RAB3C: variants seen among roughly 807,000 people sequenced by gnomAD.
The protein encoded by RAB3C is RAB3C, member RAS oncogene family.
RAB3C carries 17 observed loss-of-function variants against 26.4 expected under a neutral mutation model. The observed-to-expected ratio is 0.64, with a 90% confidence interval of 0.44 to 0.97. RAB3C has a LOEUF of 0.97. RAB3C is among the 50% of genes least tolerant of loss of function. The pLI is 0.00. For synonymous variants in RAB3C, 91 were observed against 95.9 expected, an observed-to-expected ratio of 0.95 and a Z score of 0.30; for missense variants, 242 against 281.9, an observed-to-expected ratio of 0.86 and a Z score of 1.01.
At chr5:58,668,221 T>A (rs898754393) in intron 2 of RAB3C, among the ~76,000 whole-genome samples, 1 of 152,190 alleles carries the variant, frequency 6.6e-6, no homozygotes, top group African/African-American at 2.4e-5. Flanking sequence ...CTTCCTTTCC[T>A]CTTCAGAGAA....
chr5:58,827,601 T>C (rs1423222611), intron 4 of RAB3C, among the ~76,000 whole-genome samples: 3 of 152,228 alleles, frequency 2.0e-5, no homozygotes, highest in South Asian at 2.1e-4. Flanking sequence ...AGTAGACAGA[T>C]GTAGCAAAGT....
chr5:58,613,112 T>A (rs1746748765), intron 1 of RAB3C, among the ~76,000 whole-genome samples: 1 of 152,146 alleles, frequency 6.6e-6, no homozygotes. Flanking sequence ...AGGCTGTGGT[T>A]ACATGTTTTA....
At chr5:58,792,800 ACCTTGTGTATATAT>A (rs1742559327) in intron 3 of RAB3C, among the ~76,000 whole-genome samples, 2 of 151,890 alleles carry the variant, frequency 1.3e-5, no homozygotes, top group Non-Finnish European at 2.9e-5. Flanking sequence ...TATATATAAA[ACCTTGTGTATATAT>A]ACACACACAC....
At position 58,858,994 on chromosome 5, in the gene RAB3C, A is replaced by G. The variant is rs1035557477; in HGVS notation, c.*7643A>G. ...TTTTCTGTAGCTCCATGTTTCCCAT[A>G]AAGGGCATTGGAAATGCACAGATGA... On this transcript the variant is annotated 3_prime_UTR_variant, in exon 5 of 5. Transcript: ENST00000282878. 6.6e-6 allele frequency: 1 copy of G among 152,222 alleles called. No homozygotes were observed. Among genetic ancestry groups the G allele is most frequent in the Non-Finnish European group, 1.5e-5 (1 of 68,042 alleles). The allele number at this position is 152,222 out of a possible 1,614,324, so 9.4% of individuals were successfully genotyped here.
intron 3 of RAB3C, chr5:58,823,268 C>A: frequency 4.5e-6 from 1 of 224,056 alleles, no homozygotes; most frequent in Non-Finnish European, 9.0e-6. Context: ...GCTCACAGTC[C>A]CAGCACTTTG....
At chr5:58,837,526 G>C (rs1046714108) in intron 4 of RAB3C, among the ~76,000 whole-genome samples, 3 of 144,918 alleles carry the variant, frequency 2.1e-5, no homozygotes, top group Non-Finnish European at 4.5e-5. Context: ...TGGTCTGATC[G>C]AGTTTTCTAT....
At chr5:58,712,452 A>G (rs1749079396) in intron 2 of RAB3C, among the ~76,000 whole-genome samples, 1 of 152,184 alleles carries the variant, frequency 6.6e-6, no homozygotes, top group Non-Finnish European at 1.5e-5. Flanking sequence ...TAGGCACTAA[A>G]TTGTTTGGGA....
intron 2 of RAB3C, among the ~76,000 whole-genome samples, chr5:58,712,581 G>A (rs1237077327): frequency 5.9e-5 from 9 of 152,132 alleles, no homozygotes; most frequent in African/African-American, 2.2e-4. Context: ...CTGGAGTTCA[G>A]TGGAGCGATC....
intron 3 of RAB3C, among the ~76,000 whole-genome samples, chr5:58,800,697 T>C (rs1742787911): frequency 6.6e-6 from 1 of 152,084 alleles, no homozygotes; most frequent in Admixed American, 6.5e-5. Context: ...ACTGTCGACA[T>C]TCTTCTGAAT....
At chr5:58,797,047 A>C (rs966655881) in intron 3 of RAB3C, among the ~76,000 whole-genome samples, 6 of 151,930 alleles carry the variant, frequency 3.9e-5, no homozygotes, top group Admixed American at 1.3e-4. Context: ...ACAAAACTGC[A>C]TATGTAGTAT....
chr5:58,749,779 A>AT (rs1156301236), intron 3 of RAB3C, among the ~76,000 whole-genome samples: 7 of 152,140 alleles, frequency 4.6e-5, no homozygotes, highest in Admixed American at 1.3e-4. Flanking sequence ...TTTGTTATTA[A>AT]TTTTTTTGTT....
At chr5:58,697,050 G>T (rs1025366489) in intron 2 of RAB3C, among the ~76,000 whole-genome samples, 1 of 152,130 alleles carries the variant, frequency 6.6e-6, no homozygotes, top group African/African-American at 2.4e-5. Context: ...GCTGTCTCTT[G>T]TGGGCATTTA....
intron 1 of RAB3C, among the ~76,000 whole-genome samples, chr5:58,607,796 T>A (rs1746605600): frequency 6.6e-6 from 1 of 152,138 alleles, no homozygotes; most frequent in Non-Finnish European, 1.5e-5. Context: ...TCCCAGAATC[T>A]CATATCCAGC....
intron 3 of RAB3C, among the ~76,000 whole-genome samples, chr5:58,794,750 TGAGGCGCA>T (rs1399256226): frequency 6.6e-6 from 1 of 152,192 alleles, no homozygotes; most frequent in Non-Finnish European, 1.5e-5. Flanking sequence ...ATGGAGAAAG[TGAGGCGCA>T]GAGGAGTTCA....
chr5:58,848,217 C>A lies in RAB3C; in HGVS notation c.497-2947C>A, dbSNP rs563878023. ...TATAGAAATACAGCTGTCATGATGACCATCTTGATGAATCTTGAGCAGTGT... is the reference window on the plus strand; with the variant it reads ...TATAGAAATACAGCTGTCATGATGAACATCTTGATGAATCTTGAGCAGTGT... On this transcript the variant is annotated intron_variant, in intron 4 of 4. Coordinates refer to ENST00000282878, the MANE Select transcript of RAB3C (RefSeq NM_138453.4). Among the ~76,000 whole-genome samples the A allele has an allele frequency of 7.0e-4, 106 of 152,160 alleles. 1 individual carries two copies. The highest frequency in any genetic ancestry group is 2.4e-3 in the African/African-American group (98 of 41,518).
chr5:58,597,562 ATATATAAG>A (rs1746343637), intron 1 of RAB3C, among the ~76,000 whole-genome samples: 2 of 123,874 alleles, frequency 1.6e-5, no homozygotes, highest in African/African-American at 2.9e-5. Flanking sequence ...ATAGTTCATT[ATATATAAG>A]CATATAACAA....
At chr5:58,627,991 A>G (rs1747095333) in intron 2 of RAB3C, among the ~76,000 whole-genome samples, 1 of 152,034 alleles carries the variant, frequency 6.6e-6, no homozygotes, top group Admixed American at 6.6e-5. Flanking sequence ...CCCCGTCTCT[A>G]CTAAAAATAC....
At chr5:58,805,636 AG>A (rs1363753927) in intron 3 of RAB3C, among the ~76,000 whole-genome samples, 1 of 151,906 alleles carries the variant, frequency 6.6e-6, no homozygotes. Context: ...AAGGAAAGAA[AG>A]AGATAGTATT....
chr5:58,646,355 G>A (rs917931292), intron 2 of RAB3C, among the ~76,000 whole-genome samples: 2 of 151,804 alleles, frequency 1.3e-5, no homozygotes, highest in Admixed American at 6.6e-5. Flanking sequence ...GACACACTAA[G>A]CATTGATAAA....
Sources: allele counts gnomAD v4.1 joint callset (sites outside exome capture counted in the v4.1 genomes callset), GRCh38; gene constraint gnomAD v4.1.1; transcripts MANE v1.5; gene names NCBI Gene and HGNC (gene_info 2026-07-23, HGNC 2026-07-21).